The following METTL15 variants were observed in gnomAD, a reference collection of about 807,000 sequenced individuals.
METTL15 encodes 12S rRNA N(4)-cytidine methyltransferase METTL15.
A neutral mutation model predicts 38.3 loss-of-function variants in METTL15; 34 were observed. That is an observed-to-expected ratio of 0.89 (90% CI 0.68 to 1.18). METTL15 has a LOEUF of 1.18. METTL15 is among the 50% of genes most tolerant of loss of function. METTL15 has a pLI of 0.00. For missense variants in METTL15, 438 were observed against 498.4 expected, an observed-to-expected ratio of 0.88 and a Z score of 1.15; for synonymous variants, 162 against 170.9, an observed-to-expected ratio of 0.95 and a Z score of 0.41.
At chr11:28,297,317 A>G (rs566632991) in intron 6 of METTL15, among the ~76,000 whole-genome samples, 1 of 152,178 alleles carries the variant, frequency 6.6e-6, no homozygotes, top group Non-Finnish European at 1.5e-5. Context: ...AAGCACCTGT[A>G]TAAGATCTGA....
intron 6 of METTL15, among the ~76,000 whole-genome samples, chr11:28,513,848 G>A (rs1312477846): frequency 6.6e-6 from 1 of 152,238 alleles, no homozygotes; most frequent in Admixed American, 6.5e-5. Context: ...TTCCGCCCTG[G>A]GCGGGCCAGG....
downstream of METTL15, among the ~76,000 whole-genome samples, chr11:28,337,516 A>G (rs975426845): frequency 6.6e-6 from 1 of 152,058 alleles, no homozygotes; most frequent in Admixed American, 6.6e-5. Flanking sequence ...ACACCCAGCC[A>G]GAAAAATATT....
In METTL15 at chr11:28,288,857, T is replaced by A. The variant is rs77685583; in HGVS notation, c.408-1349T>A. 1.6e-3 allele frequency among the ~76,000 whole-genome samples: 240 copies of A among 152,230 alleles called. 1 individual carries two copies. In the East Asian group the frequency reaches 0.029, roughly 19 times the overall value. ...AAATAAAACAAACTTCTGTTTCATC[T>A]GGCCAGTGTTGGGCCAGATGAAATC... On this transcript the variant is annotated intron_variant, in intron 4 of 6. Coordinates refer to ENST00000407364, the MANE Select transcript of METTL15 (RefSeq NM_001113528.2).
intron 3 of METTL15, among the ~76,000 whole-genome samples, chr11:28,130,188 G>C (rs1400841547): frequency 6.6e-6 from 1 of 152,030 alleles, no homozygotes; most frequent in East Asian, 1.9e-4. Context: ...GTGTACACTT[G>C]CAGTCCCAGT....
downstream of METTL15, among the ~76,000 whole-genome samples, chr11:28,335,782 A>G (rs1849895575): frequency 6.6e-6 from 1 of 152,138 alleles, no homozygotes. Context: ...GCCTTCGACC[A>G]TAAGAGGATC....
chr11:28,210,998 G>T, intron 3 of METTL15, 64 bp from the exon 4 acceptor site: 3 of 1,481,962 alleles, frequency 2.0e-6, no homozygotes, highest in Non-Finnish European at 1.8e-6. Context: ...TAGAAATTGA[G>T]ATAGTTGTCA....
intron 4 of METTL15, among the ~76,000 whole-genome samples, chr11:28,232,838 G>C (rs1310008001): frequency 6.6e-6 from 1 of 151,956 alleles, no homozygotes; most frequent in African/African-American, 2.4e-5. Context: ...CTACTCCCAT[G>C]TTATAGGCAT....
At chr11:28,524,411 A>T (rs1023851922) in intron 6 of METTL15, among the ~76,000 whole-genome samples, 1 of 152,224 alleles carries the variant, frequency 6.6e-6, no homozygotes, top group Non-Finnish European at 1.5e-5. Flanking sequence ...GCAAATACCT[A>T]AATTGGGCTT....
intron 3 of METTL15, among the ~76,000 whole-genome samples, chr11:28,128,217 T>G (rs1852575899): frequency 1.3e-5 from 2 of 152,010 alleles, no homozygotes; most frequent in Admixed American, 1.3e-4. Flanking sequence ...TTTTATAGGT[T>G]GGGTAAAAAA....
At position 28,301,654 on chromosome 11, in the gene METTL15, G is replaced by C. The variant is rs374775798; in HGVS notation, c.778+4723G>C. Among the ~76,000 whole-genome samples, 31 of 152,152 alleles carry C rather than the reference G, an allele frequency of 2.0e-4. No homozygotes were observed. In the East Asian group the frequency reaches 2.5e-3, roughly 12 times the overall value. The stretch of plus-strand genomic sequence containing the variant: ...AATAATTTTATCTTCATTACATGTT[G>C]AAATGGTAATATTTTAGATATATTA... On this transcript the variant is annotated intron_variant, in intron 6 of 6. Coordinates refer to ENST00000407364, the MANE Select transcript of METTL15 (RefSeq NM_001113528.2).
chr11:28,209,845 T>G (rs989215300), intron 3 of METTL15, among the ~76,000 whole-genome samples: 1 of 152,052 alleles, frequency 6.6e-6, no homozygotes, highest in East Asian at 1.9e-4. Flanking sequence ...TCCCTTGTTA[T>G]GTACTATGCA....
intron 3 of METTL15, among the ~76,000 whole-genome samples, chr11:28,123,237 T>C (rs993993245): frequency 2.3e-4 from 35 of 152,162 alleles, no homozygotes; most frequent in African/African-American, 8.4e-4. Context: ...TAGTCCCTGA[T>C]CAATAGTCTA....
chr11:28,265,065 CAG>C (rs1361050651), intron 4 of METTL15, among the ~76,000 whole-genome samples: 1 of 152,062 alleles, frequency 6.6e-6, no homozygotes, highest in South Asian at 2.1e-4. Context: ...ATTAGCCAAT[CAG>C]AGGCTTTGTG....
intron 6 of METTL15, among the ~76,000 whole-genome samples, chr11:28,316,463 C>T (rs1333462209): frequency 2.0e-5 from 3 of 152,200 alleles, no homozygotes; most frequent in African/African-American, 2.4e-5. Context: ...TTTACAGTCT[C>T]ATAAACAGAA....
intron 3 of METTL15, among the ~76,000 whole-genome samples, chr11:28,122,676 T>G (rs1201565607): frequency 6.6e-6 from 1 of 151,678 alleles, no homozygotes; most frequent in African/African-American, 2.4e-5. Flanking sequence ...TAACTTTTTT[T>G]TAAAATTTGG....
downstream of METTL15, among the ~76,000 whole-genome samples, chr11:28,337,094 T>C (rs989032513): frequency 6.6e-6 from 1 of 152,126 alleles, no homozygotes; most frequent in South Asian, 2.1e-4. Flanking sequence ...ATTTAAAAAT[T>C]AATACAAAAA....
intron 4 of METTL15, among the ~76,000 whole-genome samples, chr11:28,212,052 G>C (rs1032389081): frequency 6.6e-6 from 1 of 151,914 alleles, no homozygotes; most frequent in Non-Finnish European, 1.5e-5. Flanking sequence ...TGGTCTCTTT[G>C]GTGAAGTTCG....
intron 4 of METTL15, among the ~76,000 whole-genome samples, chr11:28,260,826 G>A (rs1034546571): frequency 6.6e-6 from 1 of 152,118 alleles, no homozygotes. Context: ...TTCTTACCCA[G>A]GTATTACCAA....
chr11:28,320,793 C>T (rs1849437881), intron 6 of METTL15, among the ~76,000 whole-genome samples: 1 of 151,986 alleles, frequency 6.6e-6, no homozygotes, highest in Non-Finnish European at 1.5e-5. Context: ...CTCTTAAAAT[C>T]CTTAGCATCA....
Sources: allele counts gnomAD v4.1 joint callset (sites outside exome capture counted in the v4.1 genomes callset), GRCh38; gene constraint gnomAD v4.1.1; transcripts MANE v1.5; gene names NCBI Gene and HGNC (gene_info 2026-07-23, HGNC 2026-07-21).